Variants in THSD4 observed in about 807,000 individuals in gnomAD.
THSD4 encodes the protein thrombospondin type 1 domain containing 4.
THSD4 carries 69 observed loss-of-function variants against 119.0 expected under a neutral mutation model. The ratio of observed to expected loss-of-function variants is 0.58; its 90% confidence interval spans 0.48 to 0.71. The LOEUF (loss-of-function observed/expected upper bound fraction) is 0.71. THSD4 is among the 30% of genes least tolerant of loss of function. The pLI is 0.00. For missense variants in THSD4, 1,393 were observed against 1,391.1 expected, an observed-to-expected ratio of 1.00 and a Z score of -0.02; for synonymous variants, 524 against 540.4, an observed-to-expected ratio of 0.97 and a Z score of 0.42.
At chr15:71,741,580 T>C (rs1411537298) in intron 11 of THSD4, among the ~76,000 whole-genome samples, 1 of 151,312 alleles carries the variant, frequency 6.6e-6, no homozygotes, top group African/African-American at 2.4e-5. Context: ...TCCTTTGCAT[T>C]GCAGAAACAC....
At chr15:71,489,032 C>T (rs1464413747) in intron 7 of THSD4, among the ~76,000 whole-genome samples, 1 of 152,180 alleles carries the variant, frequency 6.6e-6, no homozygotes, top group Non-Finnish European at 1.5e-5. Flanking sequence ...AGTCCCTTTG[C>T]CATAGCTTCT....
intron 7 of THSD4, among the ~76,000 whole-genome samples, chr15:71,556,580 A>G (rs2049021148): frequency 6.6e-6 from 1 of 150,938 alleles, no homozygotes; most frequent in East Asian, 1.9e-4. Context: ...CGTCTCTACA[A>G]AAAAAATAAT....
At chr15:71,379,170 G>C (rs948182089) in intron 6 of THSD4, among the ~76,000 whole-genome samples, 1 of 150,674 alleles carries the variant, frequency 6.6e-6, no homozygotes, top group Non-Finnish European at 1.5e-5. Context: ...GGTGTGTGTG[G>C]GTGGGGAGGG....
At chr15:71,344,895 A>G (rs1389447675) in intron 6 of THSD4, among the ~76,000 whole-genome samples, 1 of 152,054 alleles carries the variant, frequency 6.6e-6, no homozygotes, top group Non-Finnish European at 1.5e-5. Flanking sequence ...CCAGATCGTG[A>G]GATCTGCCAA....
intron 6 of THSD4, among the ~76,000 whole-genome samples, chr15:71,257,842 T>C (rs1051589910): frequency 6.6e-6 from 1 of 152,010 alleles, no homozygotes; most frequent in African/African-American, 2.4e-5. Flanking sequence ...CTAACTTGAC[T>C]GAAAAATTGA....
At chr15:71,177,835 A>G (rs530810378) in intron 3 of THSD4, among the ~76,000 whole-genome samples, 83 of 151,168 alleles carry the variant, frequency 5.5e-4, no homozygotes, top group African/African-American at 1.9e-3. Context: ...CTGGTTCAAT[A>G]TACGCAAATC....
chr15:71,663,659 G>A (rs1056688350), intron 8 of THSD4, among the ~76,000 whole-genome samples: 7 of 152,270 alleles, frequency 4.6e-5, no homozygotes, highest in Admixed American at 4.6e-4. Context: ...ATATACATGA[G>A]ATTGCTTGAG....
intron 1 of THSD4, among the ~76,000 whole-genome samples, chr15:71,098,684 T>C (rs986090765): frequency 1.3e-5 from 2 of 152,168 alleles, no homozygotes; most frequent in African/African-American, 4.8e-5. Context: ...TGCAGAATTA[T>C]GTTGACTGCC....
intron 7 of THSD4, among the ~76,000 whole-genome samples, chr15:71,450,995 T>C (rs559060262): frequency 6.6e-6 from 1 of 152,120 alleles, no homozygotes; most frequent in African/African-American, 2.4e-5. Flanking sequence ...CTGGTCAACA[T>C]GGCGAAACAC....
chr15:71,563,245 C>T (rs535203156), intron 7 of THSD4, among the ~76,000 whole-genome samples: 122 of 152,010 alleles, frequency 8.0e-4, no homozygotes, highest in Non-Finnish European at 1.5e-3. Flanking sequence ...TGATGAGGAC[C>T]CCCATCAGAG....
At chr15:71,245,301 T>C (rs768229070) in intron 5 of THSD4, among the ~76,000 whole-genome samples, 46 of 152,146 alleles carry the variant, frequency 3.0e-4, no homozygotes, top group Non-Finnish European at 5.4e-4. Flanking sequence ...TATTGAGAGA[T>C]GTCATTCCTT....
chr15:71,771,847 G>A (rs2053828647), intron 17 of THSD4, among the ~76,000 whole-genome samples: 1 of 152,170 alleles, frequency 6.6e-6, no homozygotes, highest in Non-Finnish European at 1.5e-5. Flanking sequence ...GAGTGTTAGG[G>A]AGGTTAGGCC....
intron 6 of THSD4, among the ~76,000 whole-genome samples, chr15:71,380,166 A>C (rs1054105685): frequency 6.6e-6 from 1 of 152,148 alleles, no homozygotes; most frequent in African/African-American, 2.4e-5. Flanking sequence ...TAAGGACTCA[A>C]GTATGCAAGT....
chr15:71,735,329 G>T (rs2053061755), intron 10 of THSD4, among the ~76,000 whole-genome samples: 2 of 152,150 alleles, frequency 1.3e-5, no homozygotes, highest in Non-Finnish European at 2.9e-5. Flanking sequence ...CGCTGCAGGG[G>T]TGGCTTCCTC....
chr15:71,470,214 A>C (rs928294336), intron 7 of THSD4, among the ~76,000 whole-genome samples: 3 of 152,116 alleles, frequency 2.0e-5, no homozygotes, highest in African/African-American at 7.2e-5. Flanking sequence ...CTAATTTATA[A>C]GGAGTCAGAG....
intron 7 of THSD4, among the ~76,000 whole-genome samples, chr15:71,433,599 C>T (rs749470781): frequency 4.1e-4 from 62 of 151,946 alleles, no homozygotes; most frequent in African/African-American, 9.4e-4. Context: ...CATCCTGGGT[C>T]GCAGGTACTC....
At chr15:71,307,425 C>G (rs1390245195) in intron 6 of THSD4, among the ~76,000 whole-genome samples, 1 of 152,136 alleles carries the variant, frequency 6.6e-6, no homozygotes, top group African/African-American at 2.4e-5. Flanking sequence ...TGTCAAGGGC[C>G]CTCAAGATCA....
intron 1 of THSD4, among the ~76,000 whole-genome samples, chr15:71,126,549 T>C (rs1415538050): frequency 6.6e-6 from 1 of 152,182 alleles, no homozygotes; most frequent in Admixed American, 6.5e-5. Context: ...CAGGTTTCAA[T>C]GGAAAATCAC....
At chr15:71,708,392 C>A (rs1178006240) in intron 8 of THSD4, among the ~76,000 whole-genome samples, 1 of 152,204 alleles carries the variant, frequency 6.6e-6, no homozygotes, top group Non-Finnish European at 1.5e-5. Flanking sequence ...GGGCTATCGG[C>A]CTTGTCTTTA....
Sources: allele counts gnomAD v4.1 joint callset (sites outside exome capture counted in the v4.1 genomes callset), GRCh38; gene constraint gnomAD v4.1.1; transcripts MANE v1.5; gene names NCBI Gene and HGNC (gene_info 2026-07-23, HGNC 2026-07-21).